The following ESD variants were observed in gnomAD, a reference collection of about 807,000 sequenced individuals.
The protein encoded by ESD is esterase D, also known as S-formylglutathione hydrolase.
Under a neutral mutation model 38.1 loss-of-function variants are expected in ESD, and 34 were observed. The observed-to-expected ratio is 0.89, with a 90% CI of 0.68 to 1.19. The LOEUF (loss-of-function observed/expected upper bound fraction) is 1.19. Among genes scored for constraint, ESD ranks in the 50% most tolerant of loss-of-function variants. The pLI is 0.00. For synonymous variants in ESD, 97 were observed against 107.0 expected (o/e 0.91, Z 0.58); for missense variants, 334 against 327.2 (o/e 1.02, Z -0.16).
intron 7 of ESD, 69 bp from the exon 8 acceptor site, chr13:46,780,102 A>T: frequency 9.6e-7 from 1 of 1,046,354 alleles, no homozygotes; most frequent in Non-Finnish European, 1.4e-6. Context: ...GATATTTGCA[A>T]CTTACTTAAA....
intron 3 of ESD, 127 bp downstream of exon 3, chr13:46,791,219 G>A (rs1286915893): frequency 1.1e-5 from 7 of 662,092 alleles, no homozygotes; most frequent in South Asian, 2.2e-5. Flanking sequence ...CATAACCACA[G>A]AAAGAGAGTA....
chr13:46,797,379 C>A (rs1192002919), upstream of ESD: 2 of 152,370 alleles, frequency 1.3e-5, no homozygotes, highest in African/African-American at 4.8e-5. Flanking sequence ...CTAGGACCAA[C>A]GAGGAGGGCG....
intron 3 of ESD, 44 bp downstream of exon 3, chr13:46,791,302 C>A: frequency 2.2e-6 from 3 of 1,387,316 alleles, no homozygotes; most frequent in Non-Finnish European, 3.0e-6. Context: ...ACAAAATAAT[C>A]CAACAGAATG....
chr13:46,782,855 C>T, intron 5 of ESD, 64 bp from the exon 6 acceptor site: 1 of 1,576,388 alleles, frequency 6.3e-7, no homozygotes, highest in Non-Finnish European at 8.6e-7. Flanking sequence ...TAATAACACA[C>T]TTTCAGATGA....
intron 2 of ESD, 62 bp downstream of exon 2, chr13:46,793,335 A>G (rs953209085): frequency 1.3e-5 from 2 of 152,606 alleles, no homozygotes; most frequent in Non-Finnish European, 2.9e-5. Context: ...TTTTAAAACA[A>G]GCTATTAGTG....
At chr13:46,775,472 C>T (rs1337657136) in intron 9 of ESD, 1 of 281,728 alleles carries the variant, frequency 3.5e-6, no homozygotes. Context: ...AGCTTCTATC[C>T]CACAAGGAAA....
At chr13:46,794,167 C>A (rs868825269) in intron 1 of ESD, among the ~76,000 whole-genome samples, 7 of 95,714 alleles carry the variant, frequency 7.3e-5, no homozygotes, top group African/African-American at 1.2e-4. Flanking sequence ...CAAAAAACAA[C>A]AACAACAACA....
In ESD at chr13:46,776,019, A is replaced by G. The variant is rs530960621; in HGVS notation, c.768+1437T>C. ...CTTTGGGGAAGCAAATGAGGTATCC[A>G]ACATGGGTAGTGCCAAGAAATTAAG... On this transcript the variant is annotated intron_variant, in intron 9 of 9. Coordinates refer to ENST00000378720, the MANE Select transcript of ESD (RefSeq NM_001984.2). 8.5e-5 allele frequency: 17 copies of G among 199,476 alleles called. No individual in the cohort carries two copies. The South Asian group carries it at 1.5e-3, about 17-fold the overall frequency. 12.4% of individuals were successfully genotyped at this position (199,476 alleles called of 1,614,324 possible).
Position 46,787,079 on chromosome 13 carries a change from A to G in ESD, c.99T>C (p.Ala33=), listed in dbSNP as rs756212963. ...SVELNCKMKF[A]VYLPPKAETG... is the part of the protein sequence containing the mutation. Reference sequence around the variant, plus strand: ...TTTCTGCCTTTGGTGGTAAGTAGACAGCAAATTTCATTTTGCAGTTTAGTT... The same window carrying G: ...TTTCTGCCTTTGGTGGTAAGTAGACGGCAAATTTCATTTTGCAGTTTAGTT... The change falls in exon 4 of 10, where the codon GCT becomes GCC. Residue 33 remains alanine (A), a synonymous_variant. Coordinates refer to ENST00000378720, the MANE Select transcript of ESD (RefSeq NM_001984.2). 1 of 1,578,580 alleles carries G rather than the reference A, an allele frequency of 6.3e-7. No homozygotes were observed.
intron 9 of ESD, chr13:46,777,116 T>C (rs1320268506): frequency 6.1e-6 from 1 of 162,690 alleles, no homozygotes; most frequent in Non-Finnish European, 1.3e-5. Flanking sequence ...AGGTAGAAGT[T>C]TGTCCTTTTT....
At chr13:46,784,427 C>A in intron 4 of ESD, 77 bp from the exon 5 acceptor site, 1 of 1,004,008 alleles carries the variant, frequency 1.0e-6, no homozygotes, top group Admixed American at 1.9e-5. Flanking sequence ...ACTATTAGAG[C>A]AGGGGGAGAC....
At chr13:46,778,519 T>C (rs1035415928) in intron 8 of ESD, among the ~76,000 whole-genome samples, 3 of 151,830 alleles carry the variant, frequency 2.0e-5, no homozygotes, top group Non-Finnish European at 4.4e-5. Flanking sequence ...TAAAATCTAC[T>C]GTCACTTGGA....
chr13:46,781,843 G>C (rs977337793), intron 6 of ESD, among the ~76,000 whole-genome samples: 2 of 151,692 alleles, frequency 1.3e-5, no homozygotes, highest in African/African-American at 4.8e-5. Context: ...ACTTTAGGAA[G>C]GTGATGCAGA....
intron 1 of ESD, among the ~76,000 whole-genome samples, 176 bp from the exon 2 acceptor site, chr13:46,793,620 T>C (rs1189762791): frequency 2.6e-5 from 4 of 152,254 alleles, no homozygotes; most frequent in African/African-American, 9.6e-5. Context: ...GCCCATAATC[T>C]AATTATTTGC....
At chr13:46,793,557 A>G (rs1009629443) in intron 1 of ESD, 113 bp from the exon 2 acceptor site, 5 of 152,334 alleles carry the variant, frequency 3.3e-5, no homozygotes, top group Non-Finnish European at 5.9e-5. Context: ...CTTTTGAGGT[A>G]AATGACTGTA....
chr13:46,794,457 C>G, intron 1 of ESD, among the ~76,000 whole-genome samples: 1 of 152,090 alleles, frequency 6.6e-6, no homozygotes. Flanking sequence ...CCTCAGCCTC[C>G]TGAGCAGCTA....
Position 46,782,731 on chromosome 13 carries a change from T to A in ESD, c.317A>T (p.Tyr106Phe). The A allele has an allele frequency of 1.9e-6, 3 of 1,612,400 alleles. No homozygotes were observed. Among genetic ancestry groups the A allele is most frequent in the Non-Finnish European group, 2.5e-6 (3 of 1,178,864 alleles). ...CCAAGGATCTTCAGTGGCATCAACA[T>A]AAAATCCAGCACCAGTGCCAAAGTC... ...SWDFGTGAGF[Y>F]VDATEDPWKT... The change falls in exon 6 of 10, where the codon TAT becomes TTT. Residue 106 changes from tyrosine to phenylalanine, a missense_variant. Tyr to Phe is a conservative substitution (Grantham distance 22). Coordinates refer to ENST00000378720, the MANE Select transcript of ESD (RefSeq NM_001984.2).
At position 46,771,426 on chromosome 13, in the gene ESD, A is replaced by C; in HGVS notation, c.839T>G (p.Leu280Arg). 1.3e-6 allele frequency: 2 copies of C among 1,596,054 alleles called. No individual in the cohort carries two copies. The highest frequency in any genetic ancestry group is 1.7e-6 in the Non-Finnish European group (2 of 1,166,778). The stretch of plus-strand genomic sequence containing the variant: ...TTATTTGGAGTTTTTTCATGCATTC[A>C]GGTATTTAGCATGATGTCTGATGTG... ...TDHIRHHAKY[L>R]NA Residue 280 changes from leucine (L) to arginine (R), a missense_variant, in exon 10 of 10, where the codon CTG becomes CGG. Coordinates refer to ENST00000378720, the MANE Select transcript of ESD (RefSeq NM_001984.2).
chr13:46,778,506 C>T (rs191957895), intron 8 of ESD, among the ~76,000 whole-genome samples: 27 of 151,840 alleles, frequency 1.8e-4, no homozygotes, highest in Admixed American at 3.3e-4. Flanking sequence ...ATAATTAAGA[C>T]AGTAAAATCT....
Sources: allele counts gnomAD v4.1 joint callset (sites outside exome capture counted in the v4.1 genomes callset), GRCh38; gene constraint gnomAD v4.1.1; transcripts MANE v1.5; gene names NCBI Gene and HGNC (gene_info 2026-07-23, HGNC 2026-07-21).